The following BRDT variants were observed in gnomAD, a reference collection of about 807,000 sequenced individuals.
BRDT encodes the protein bromodomain testis-specific protein.
BRDT carries 77 observed loss-of-function variants against 113.9 expected under a neutral mutation model. That is an observed-to-expected ratio of 0.68 (90% confidence interval 0.56 to 0.82). BRDT has a LOEUF of 0.82. Ranked by LOEUF, BRDT falls within the 40% of genes least tolerant of loss-of-function variation. BRDT has a pLI of 0.00. For missense variants in BRDT, 1,027 were observed against 1,105.4 expected (o/e 0.93, Z 1.01); for synonymous variants, 358 against 366.5 (o/e 0.98, Z 0.26).
chr1:92,002,310 A>G (rs1337925299), intron 16 of BRDT, among the ~76,000 whole-genome samples, 161 bp downstream of exon 16: 2 of 152,086 alleles, frequency 1.3e-5, no homozygotes, highest in Non-Finnish European at 2.9e-5. Context: ...TCTGAGCAAC[A>G]TCCTTCCCCT....
rs191436023 is a variant in BRDT, at chr1:91,969,402, A to G, written c.445+1142A>G. 5.3e-5 allele frequency among the ~76,000 whole-genome samples: 8 copies of G among 151,306 alleles called. No individual in the cohort carries two copies. The East Asian group carries it at 1.4e-3, about 26-fold the overall frequency. On this transcript the variant is annotated intron_variant, in intron 4 of 18. Coordinates refer to ENST00000399546, the MANE Select transcript of BRDT (RefSeq NM_207189.4). ...CTTTTTTATTGCTAATAGATCCTTA[A>G]GGTGGGTCATAACTTATAGTGCTTT...
intron 13 of BRDT, 110 bp from the exon 14 acceptor site, chr1:91,992,154 C>T (rs1245313769): frequency 6.9e-5 from 38 of 552,122 alleles, no homozygotes; most frequent in Non-Finnish European, 1.0e-4. Flanking sequence ...TAGGGAAACA[C>T]AATAATAAAT....
Position 91,951,167 on chromosome 1 carries a change from G to A in BRDT, c.-38+1485G>A, listed in dbSNP as rs189891145. Reference sequence around the variant, plus strand: ...GGCTAGCTAGTACTACAGATACCCTGCCTCACTGTCGCTGACCGTGTTGGG... The same window carrying A: ...GGCTAGCTAGTACTACAGATACCCTACCTCACTGTCGCTGACCGTGTTGGG... On this transcript the variant is annotated intron_variant, in intron 1 of 18. Coordinates refer to ENST00000399546, the MANE Select transcript of BRDT (RefSeq NM_207189.4). Among the ~76,000 whole-genome samples the A allele has an allele frequency of 4.7e-3, 722 of 152,308 alleles. 3 individuals carry two copies. The highest frequency in any genetic ancestry group is 0.017 in the African/African-American group (700 of 41,568).
At chr1:91,977,566 A>T (rs1162617890) in intron 6 of BRDT, 173 bp downstream of exon 6, 2 of 556,312 alleles carry the variant, frequency 3.6e-6, no homozygotes, top group Non-Finnish European at 6.0e-6. Flanking sequence ...GTTTTCTTCC[A>T]CTTGAACATG....
At chr1:91,967,063 C>G (rs1172121719) in intron 3 of BRDT, among the ~76,000 whole-genome samples, 1 of 151,838 alleles carries the variant, frequency 6.6e-6, no homozygotes, top group Non-Finnish European at 1.5e-5. Context: ...AGTGAGACTT[C>G]GTCGTTGAAT....
At chr1:91,961,510 T>TC (rs1682439952) in intron 1 of BRDT, among the ~76,000 whole-genome samples, 1 of 151,930 alleles carries the variant, frequency 6.6e-6, no homozygotes, top group African/African-American at 2.4e-5. Flanking sequence ...GCATCTGTAG[T>TC]CGCAGCTACT....
chr1:91,991,656 T>C (rs1199551219), intron 13 of BRDT, among the ~76,000 whole-genome samples: 3 of 152,176 alleles, frequency 2.0e-5, no homozygotes, highest in Non-Finnish European at 4.4e-5. Flanking sequence ...CAGCTATCCA[T>C]TTTGGCACAT....
chr1:91,974,951 C>T (rs2101639744), intron 4 of BRDT, among the ~76,000 whole-genome samples: 1 of 152,126 alleles, frequency 6.6e-6, no homozygotes, highest in African/African-American at 2.4e-5. Context: ...ACTATGAAGC[C>T]ATAAAAAAGG....
intron 4 of BRDT, among the ~76,000 whole-genome samples, chr1:91,970,627 C>G (rs1345190701): frequency 6.6e-6 from 1 of 152,158 alleles, no homozygotes; most frequent in Non-Finnish European, 1.5e-5. Flanking sequence ...TAAAGAAATA[C>G]CTGGCTGGGC....
chr1:92,014,420 C>A lies in BRDT; in HGVS notation c.*146C>A. On this transcript the variant is annotated 3_prime_UTR_variant, in exon 19 of 19. Transcript: ENST00000399546. ...AAAATGATTAAACAGTTTTCACTTA[C>A]ATTTTTAATAGCTATATGCTTATTT... is the stretch of plus-strand genomic sequence containing the variant. 1.8e-6 allele frequency: 1 copy of A among 544,590 alleles called. No homozygotes were observed. The highest frequency in any genetic ancestry group is 3.2e-6 in the Non-Finnish European group (1 of 312,866). The allele number at this position is 544,590 out of a possible 1,614,324, so 33.7% of individuals were successfully genotyped here.
At chr1:91,986,759 T>C (rs1685279118) in intron 12 of BRDT, among the ~76,000 whole-genome samples, 1 of 152,166 alleles carries the variant, frequency 6.6e-6, no homozygotes, top group Non-Finnish European at 1.5e-5. Context: ...ATGATTTTTT[T>C]CATGCAAGGT....
chr1:91,991,267 A>G (rs762924423), intron 13 of BRDT, 22 bp downstream of exon 13: 6 of 1,413,898 alleles, frequency 4.2e-6, no homozygotes, highest in Non-Finnish European at 5.8e-6. Context: ...CTTTATTTGT[A>G]TCTGAATTTT....
rs201585189 is a variant in BRDT at position 91,994,120 on chromosome 1, C to G, written c.2153C>G (p.Thr718Ser). 2 of 1,612,326 alleles carry G rather than the reference C, an allele frequency of 1.2e-6. No homozygotes were observed. The highest frequency in any genetic ancestry group is 1.3e-5 in the African/African-American group (1 of 74,854). The part of the protein sequence containing the change: ...YCVQDTTSAN[T>S]TLVHQTTPSH... ...GTGCAAGACACAACCTCTGCCAATA[C>G]TACCCTTGTTCATCAGACCACACCT... Residue 718 changes from threonine to serine, a missense_variant, in exon 15 of 19, where the codon ACT becomes AGT. Transcript: ENST00000399546.
intron 12 of BRDT, among the ~76,000 whole-genome samples, chr1:91,985,135 G>A (rs1685090548): frequency 6.6e-6 from 1 of 152,146 alleles, no homozygotes; most frequent in Non-Finnish European, 1.5e-5. Flanking sequence ...AGGCTGGGGT[G>A]CAGTGGCACA....
rs762058958 is a variant in BRDT at position 91,968,127 on chromosome 1, T to C, written c.331-19T>C. ...GACCATACTGTATATCCTTATGGTA[T>C]ATTTAATATATTTTGTAGCCTGGAG... On this transcript the variant is annotated intron_variant, in intron 3 of 18. Transcript: ENST00000399546. 1.2e-6 allele frequency: 2 copies of C among 1,612,300 alleles called. No individual in the cohort carries two copies. The highest frequency in any genetic ancestry group is 1.7e-6 in the Non-Finnish European group (2 of 1,179,092).
chr1:91,996,745 C>T (rs57942424), intron 15 of BRDT, among the ~76,000 whole-genome samples: 10,194 of 152,174 alleles, frequency 0.067, 404 homozygotes, highest in African/African-American at 0.097. Flanking sequence ...TGATATACTT[C>T]GTTAGGATGA....
At chr1:91,958,681 A>AT (rs956592758) in intron 1 of BRDT, among the ~76,000 whole-genome samples, 20 of 152,182 alleles carry the variant, frequency 1.3e-4, no homozygotes, top group East Asian at 1.2e-3. Flanking sequence ...GTGGCAAGGT[A>AT]TTTTTTTTAA....
intron 15 of BRDT, among the ~76,000 whole-genome samples, chr1:91,997,022 A>G (rs1199139298): frequency 6.6e-6 from 1 of 152,134 alleles, no homozygotes; most frequent in Admixed American, 6.5e-5. Flanking sequence ...AAGAAACAAA[A>G]CCTCCTCAGT....
At position 92,005,105 on chromosome 1, in the gene BRDT, T is replaced by C. The variant is rs1232062390; in HGVS notation, c.2595-14T>C. ...ACTTGAAACCTACTTTGAGCTATACTTTTTTTCTTTAAGGGATCTTGGGAA... is the reference window on the plus strand; with the variant it reads ...ACTTGAAACCTACTTTGAGCTATACCTTTTTTCTTTAAGGGATCTTGGGAA... On this transcript the variant is annotated splice_polypyrimidine_tract_variant and intron_variant, in intron 17 of 18. Transcript: ENST00000399546. The C allele has an allele frequency of 1.4e-6, 2 of 1,445,176 alleles. No homozygotes were observed. The highest frequency in any genetic ancestry group is 2.7e-5 in the Admixed American group (1 of 36,422). 89.5% of individuals were successfully genotyped at this position (1,445,176 alleles called of 1,614,324 possible).
Sources: allele counts gnomAD v4.1 joint callset (sites outside exome capture counted in the v4.1 genomes callset), GRCh38; gene constraint gnomAD v4.1.1; transcripts MANE v1.5; gene names NCBI Gene and HGNC (gene_info 2026-07-23, HGNC 2026-07-21).